The following SPIRE1 variants were observed in gnomAD, a reference collection of about 807,000 sequenced individuals.
The protein encoded by SPIRE1 is spire type actin nucleation factor 1.
SPIRE1 carries 40 observed loss-of-function variants against 94.1 expected under a neutral mutation model. That is an observed-to-expected ratio of 0.43 (90% CI 0.33 to 0.55). The LOEUF (loss-of-function observed/expected upper bound fraction) is 0.55. Ranked by LOEUF, SPIRE1 falls within the 20% of genes least tolerant of loss-of-function variation. The pLI, the probability that SPIRE1 is intolerant of heterozygous loss-of-function variation, is 0.06. For synonymous variants in SPIRE1, 376 were observed against 371.7 expected (o/e 1.01, Z -0.13); for missense variants, 838 against 975.2 (o/e 0.86, Z 1.87).
chr18:12,606,297 A>G (rs1280617777), intron 2 of SPIRE1, among the ~76,000 whole-genome samples: 2 of 152,196 alleles, frequency 1.3e-5, no homozygotes, highest in Non-Finnish European at 2.9e-5. Flanking sequence ...CCCAGTGCCT[A>G]AAACAACTGT....
chr18:12,657,812 C>A lies in SPIRE1; in HGVS notation c.55G>T (p.Gly19Cys). 1 of 1,245,196 alleles carries A rather than the reference C, an allele frequency of 8.0e-7. No individual in the cohort carries two copies. The allele number at this position is 1,245,196 out of a possible 1,614,324, so 77.1% of individuals were successfully genotyped here. ...GGGEPRTEAVGGEGPREPGAA... is the reference protein window; with the variant it reads ...GGGEPRTEAVCGEGPREPGAA... ...CCGGGCTCCCGCGGCCCCTCGCCGC[C>A]CACTGCCTCAGTCCGCGGCTCCCCG... Residue 19 changes from glycine (G) to cysteine (C), a missense_variant, in exon 1 of 17, where the codon GGC becomes TGC. Around this residue, in one of 2 missense-constraint regions of SPIRE1, gnomAD observed 193 missense variants for 170.5 expected, o/e 1.13. Transcript: ENST00000409402.
chr18:12,651,756 T>A (rs1481672896), intron 1 of SPIRE1, among the ~76,000 whole-genome samples: 9 of 152,228 alleles, frequency 5.9e-5, no homozygotes, highest in Non-Finnish European at 1.0e-4. Flanking sequence ...CAAATAGGAT[T>A]TTATGCCAAG....
intron 2 of SPIRE1, among the ~76,000 whole-genome samples, chr18:12,550,662 C>T (rs1048674371): frequency 7.2e-5 from 11 of 152,066 alleles, no homozygotes; most frequent in Admixed American, 2.6e-4. Context: ...ATCTGTAATG[C>T]GCCCATCTCT....
chr18:12,530,301 C>T (rs953492205), intron 4 of SPIRE1, among the ~76,000 whole-genome samples: 4 of 152,118 alleles, frequency 2.6e-5, no homozygotes, highest in Non-Finnish European at 5.9e-5. Flanking sequence ...AATTTAGTCA[C>T]GCAAATTTTA....
intron 5 of SPIRE1, among the ~76,000 whole-genome samples, chr18:12,509,381 C>A (rs1272411430): frequency 1.3e-5 from 2 of 152,130 alleles, no homozygotes; most frequent in African/African-American, 4.8e-5. Flanking sequence ...TAGCTGTTTG[C>A]TAACTTCTGA....
At chr18:12,614,501 G>A (rs1031822769) in intron 2 of SPIRE1, among the ~76,000 whole-genome samples, 4 of 152,194 alleles carry the variant, frequency 2.6e-5, no homozygotes, top group Non-Finnish European at 4.4e-5. Context: ...AAGAAGGGAA[G>A]GGAATGCAAT....
chr18:12,554,296 C>CAAAA (rs35637714), intron 2 of SPIRE1, among the ~76,000 whole-genome samples: 6 of 56,342 alleles, frequency 1.1e-4, no homozygotes, highest in Non-Finnish European at 1.6e-4. Context: ...AGACTCTGTT[C>CAAAA]AAAAAAAAAA....
intron 2 of SPIRE1, among the ~76,000 whole-genome samples, chr18:12,554,607 T>C (rs994425397): frequency 2.4e-4 from 36 of 152,146 alleles, no homozygotes; most frequent in Admixed American, 7.9e-4. Flanking sequence ...TTCTGAAAAA[T>C]AGGAGGGAAT....
At chr18:12,646,816 G>A (rs755308991) in intron 1 of SPIRE1, among the ~76,000 whole-genome samples, 2 of 152,050 alleles carry the variant, frequency 1.3e-5, no homozygotes, top group South Asian at 2.1e-4. Flanking sequence ...AGACGGAGGC[G>A]TGTGGATCAC....
chr18:12,584,146 T>C (rs2036329784), intron 2 of SPIRE1, among the ~76,000 whole-genome samples: 1 of 151,482 alleles, frequency 6.6e-6, no homozygotes, highest in African/African-American at 2.4e-5. Context: ...AAAAGAAAAA[T>C]GGGCCAGACA....
chr18:12,487,869 T>C (rs2033095716), intron 8 of SPIRE1, among the ~76,000 whole-genome samples: 1 of 152,210 alleles, frequency 6.6e-6, no homozygotes, highest in Non-Finnish European at 1.5e-5. Context: ...GTGATGATTT[T>C]AGGTATTCAT....
chr18:12,574,100 T>C (rs1052443708), intron 2 of SPIRE1, among the ~76,000 whole-genome samples: 3 of 152,294 alleles, frequency 2.0e-5, no homozygotes, highest in East Asian at 3.9e-4. Context: ...ATGAACAACA[T>C]TGGTTCAATG....
intron 2 of SPIRE1, among the ~76,000 whole-genome samples, chr18:12,580,900 C>T (rs908577921): frequency 5.3e-5 from 8 of 152,022 alleles, no homozygotes; most frequent in Non-Finnish European, 7.4e-5. Context: ...TGGTGTGGTG[C>T]GGATGACCCC....
chr18:12,449,988 G>A, intron 16 of SPIRE1, 92 bp from the exon 17 acceptor site: 3 of 1,302,082 alleles, frequency 2.3e-6, no homozygotes, highest in Non-Finnish European at 3.1e-6. Context: ...TAAATTTGTT[G>A]TCAAAACATC....
At position 12,590,834 on chromosome 18, in the gene SPIRE1, T is replaced by C. The variant is rs150531174; in HGVS notation, c.373-43930A>G. ...GACTTCCCATGTACATATGTTACTG[T>C]GTACAGTTTGTAAAATGGGTTATGC... On this transcript the variant is annotated intron_variant, in intron 2 of 16. Transcript: ENST00000409402. 4.6e-3 allele frequency among the ~76,000 whole-genome samples: 706 copies of C among 152,334 alleles called. 3 individuals carry two copies. Among genetic ancestry groups the C allele is most frequent in the Middle Eastern group, 0.034 (10 of 294 alleles).
chr18:12,476,600 CACACACACATATAT>C (rs1235851228), intron 10 of SPIRE1, among the ~76,000 whole-genome samples: 135 of 133,688 alleles, frequency 1.0e-3, no homozygotes, highest in Non-Finnish European at 1.6e-3. Flanking sequence ...CACACACACA[CACACACACATATAT>C]ACACACACAT....
chr18:12,570,573 T>G (rs1223676357), intron 2 of SPIRE1, among the ~76,000 whole-genome samples: 3 of 152,350 alleles, frequency 2.0e-5, no homozygotes, highest in Admixed American at 2.0e-4. Flanking sequence ...GAGTATGTTT[T>G]CCTTTATACA....
At chr18:12,623,370 G>T (rs562148909) in intron 2 of SPIRE1, among the ~76,000 whole-genome samples, 1 of 152,014 alleles carries the variant, frequency 6.6e-6, no homozygotes, top group Non-Finnish European at 1.5e-5. Flanking sequence ...AGCCAGGATG[G>T]TCTCAATCTC....
chr18:12,454,833 A>G (rs1321289467), intron 12 of SPIRE1, among the ~76,000 whole-genome samples: 2 of 152,206 alleles, frequency 1.3e-5, no homozygotes, highest in Admixed American at 6.5e-5. Context: ...ATTTTATTCT[A>G]AACCAATTTT....
Sources: gnomAD v4.1 joint callset for allele counts (sites outside exome capture counted in the v4.1 genomes callset) on GRCh38, gnomAD v4.1.1 for gene constraint, gnomAD v4.1.1 regional missense constraint, MANE v1.5 for transcripts, NCBI Gene and HGNC (gene_info 2026-07-23, HGNC 2026-07-21) for gene names.